FBXO42: variants seen among roughly 807,000 people sequenced by gnomAD.
FBXO42 encodes F-box protein 42, also known as F-box only protein 42.
A neutral mutation model predicts 71.7 loss-of-function variants in FBXO42; 12 were observed. That is an observed-to-expected ratio of 0.17 (90% CI 0.11 to 0.27). The LOEUF is 0.27. FBXO42 is among the 10% of genes least tolerant of loss of function. The pLI is 1.00. For synonymous variants in FBXO42, 325 were observed against 327.5 expected (o/e 0.99, Z 0.08); for missense variants, 707 against 911.9 (o/e 0.78, Z 2.89).
In FBXO42 at chr1:16,251,911, G is replaced by A; in HGVS notation, c.1039-126C>T. On this transcript the variant is annotated intron_variant, in intron 9 of 9. Transcript: ENST00000375592. The surrounding 1 kb of genome is among the most constrained non-coding windows in gnomAD (Gnocchi z 4.5). ...TTGTAGGTACCTGAGATATGAAGAT[G>A]AAAATGATGTAGTCTGCCCTCTAGG... The A allele has an allele frequency of 8.1e-7, 1 of 1,233,024 alleles. No individual in the cohort carries two copies. The highest frequency in any genetic ancestry group is 1.1e-6 in the Non-Finnish European group (1 of 900,504). 76.4% of individuals were successfully genotyped at this position (1,233,024 alleles called of 1,614,324 possible).
chr1:16,265,900 T>C (rs956730799), intron 4 of FBXO42, among the ~76,000 whole-genome samples: 7 of 152,072 alleles, frequency 4.6e-5, no homozygotes, highest in African/African-American at 1.7e-4. Context: ...TCTTAGGCAA[T>C]AATAGCCAAA....
Position 16,275,642 on chromosome 1 carries a change from A to C in FBXO42, c.503-18883T>G, listed in dbSNP as rs989494604. Reference sequence around the variant, plus strand: ...TCTTACCCAAAAACAGAAAAGGAAGAATAAAAATAAAAAGCCATAGTTCAA... The same window carrying C: ...TCTTACCCAAAAACAGAAAAGGAAGCATAAAAATAAAAAGCCATAGTTCAA... On this transcript the variant is annotated intron_variant, in intron 4 of 9. Coordinates refer to ENST00000375592, the MANE Select transcript of FBXO42 (RefSeq NM_018994.3). Among the ~76,000 whole-genome samples, 11 of 152,280 alleles carry C rather than the reference A, an allele frequency of 7.2e-5. No homozygotes were observed. The South Asian group carries it at 2.1e-3, about 29-fold the overall frequency.
chr1:16,261,301 G>T (rs1420559877), intron 4 of FBXO42, among the ~76,000 whole-genome samples: 2 of 152,198 alleles, frequency 1.3e-5, no homozygotes, highest in African/African-American at 4.8e-5. Flanking sequence ...AAGGTAAGCT[G>T]AGGCCAGTGA....
intron 1 of FBXO42, among the ~76,000 whole-genome samples, chr1:16,323,720 G>A (rs2082426589): frequency 6.6e-6 from 1 of 150,496 alleles, no homozygotes; most frequent in South Asian, 2.1e-4. Context: ...AACCCAGGAG[G>A]CGGAGATTGC....
chr1:16,250,910 A>T lies in FBXO42; in HGVS notation c.1914T>A (p.Ser638Arg). ...ACATCTGCATGGGCTTGCAGTTCAT[A>T]CTCTGGTATAGGGGTTTGCCAACAT... Reference protein sequence around the residue: ...SLNVGKPLYQSMNCKPMQMYV... With the variant: ...SLNVGKPLYQRMNCKPMQMYV... The change falls in exon 10 of 10, where the codon AGT becomes AGA. Residue 638 changes from serine to arginine, a missense_variant. Around this residue, in one of 5 missense-constraint regions of FBXO42, gnomAD observed 482 missense variants for 587.1 expected, o/e 0.82. Coordinates refer to ENST00000375592, the MANE Select transcript of FBXO42 (RefSeq NM_018994.3). The surrounding 1 kb of genome is among the most constrained non-coding windows in gnomAD (Gnocchi z 4.7). 6.2e-7 allele frequency: 1 copy of T among 1,613,950 alleles called. No homozygotes were observed. The highest frequency in any genetic ancestry group is 8.5e-7 in the Non-Finnish European group (1 of 1,179,992).
chr1:16,249,832 G>C lies in FBXO42; in HGVS notation c.*838C>G, dbSNP rs2100419182. 6.6e-6 allele frequency: 1 copy of C among 152,118 alleles called. No homozygotes were observed. Among genetic ancestry groups the C allele is most frequent in the East Asian group, 1.9e-4 (1 of 5,188 alleles). The allele number at this position is 152,118 out of a possible 1,614,324, so 9.4% of individuals were successfully genotyped here. A position where few individuals can be genotyped will look rare whatever the true frequency, so the allele number is the denominator to read the frequency against. On this transcript the variant is annotated 3_prime_UTR_variant, in exon 10 of 10. Coordinates refer to ENST00000375592, the MANE Select transcript of FBXO42 (RefSeq NM_018994.3). The stretch of plus-strand genomic sequence containing the variant: ...GGTAGAAGAAAAAAGCAGCCTGTAA[G>C]TGAATGGAAAAGGCAGTTTCCAAGT...
At chr1:16,317,547 G>A (rs1320740873) in intron 1 of FBXO42, among the ~76,000 whole-genome samples, 1 of 151,998 alleles carries the variant, frequency 6.6e-6, no homozygotes, top group Non-Finnish European at 1.5e-5. Context: ...AGTTAGCCAA[G>A]ACTGGCCACT....
At chr1:16,294,501 TA>T (rs745510639) in intron 4 of FBXO42, 27 of 345,928 alleles carry the variant, frequency 7.8e-5, no homozygotes, top group Non-Finnish European at 1.5e-4. Context: ...CCAAATGATG[TA>T]TCACACCTGT....
At chr1:16,292,389 C>G (rs1010488974) in intron 4 of FBXO42, 3 of 152,154 alleles carry the variant, frequency 2.0e-5, no homozygotes, top group African/African-American at 7.2e-5. Context: ...TCTGTGGGCT[C>G]AAGCAATCCT....
chr1:16,251,260 T>G lies in FBXO42; in HGVS notation c.1564A>C (p.Thr522Pro). 1 of 1,614,200 alleles carries G rather than the reference T, an allele frequency of 6.2e-7. No individual in the cohort carries two copies. The highest frequency in any genetic ancestry group is 8.5e-7 in the Non-Finnish European group (1 of 1,180,032). The change falls in exon 10 of 10, where the codon ACA becomes CCA. Residue 522 changes from threonine to proline, a missense_variant. By Grantham distance (38) the Thr-to-Pro change is conservative. Transcript: ENST00000375592. The surrounding 1 kb of genome is among the most constrained non-coding windows in gnomAD (Gnocchi z 4.5). ...GGGTGTCTCATACTTCCCCCAACTG[T>G]CCTATTGTCCATGCCATCCATGGGA... ...SNPMDGMDNR[T>P]VGGSMRHPPE...
At chr1:16,333,128 C>A (rs964423750) in intron 1 of FBXO42, among the ~76,000 whole-genome samples, 54 of 152,214 alleles carry the variant, frequency 3.5e-4, no homozygotes, top group African/African-American at 1.3e-3. Context: ...TCCCCTCCAG[C>A]CAATTAAGTA....
At position 16,251,015 on chromosome 1, in the gene FBXO42, G is replaced by A. The variant is rs199564466; in HGVS notation, c.1809C>T (p.Arg603=). 8.1e-6 allele frequency: 13 copies of A among 1,614,232 alleles called. No homozygotes were observed. The East Asian group carries it at 2.7e-4, about 33-fold the overall frequency. The change falls in exon 10 of 10, where the codon CGC becomes CGT. Residue 603 remains arginine, a synonymous_variant. Transcript: ENST00000375592. The surrounding 1 kb of genome is among the most constrained non-coding windows in gnomAD (Gnocchi z 4.5). ...LSSGETVPIP[R]PGPAQGDGHS... is the part of the protein sequence containing the mutation. The stretch of plus-strand genomic sequence containing the variant: ...GTCCATCTCCTTGGGCAGGCCCTGG[G>A]CGAGGGATGGGCACTGTTTCTCCAC...
intron 2 of FBXO42, among the ~76,000 whole-genome samples, 166 bp from the exon 3 acceptor site, chr1:16,306,085 C>T (rs11804338): frequency 0.027 from 4,043 of 151,946 alleles, 184 homozygotes; most frequent in African/African-American, 0.09. Flanking sequence ...TGCAGTGGCA[C>T]GATCTCGGCC....
At chr1:16,320,035 G>C (rs1400770028) in intron 1 of FBXO42, among the ~76,000 whole-genome samples, 1 of 151,734 alleles carries the variant, frequency 6.6e-6, no homozygotes, top group African/African-American at 2.4e-5. Context: ...AAACAACAGA[G>C]ACCTCCATTT....
intron 1 of FBXO42, among the ~76,000 whole-genome samples, chr1:16,341,373 G>A (rs560004957): frequency 4.6e-5 from 7 of 152,150 alleles, no homozygotes; most frequent in Non-Finnish European, 8.8e-5. Context: ...AGGCCGAGGC[G>A]GGCAGATCAT....
intron 4 of FBXO42, among the ~76,000 whole-genome samples, chr1:16,261,223 A>G (rs1296302862): frequency 6.6e-6 from 1 of 152,138 alleles, no homozygotes; most frequent in Non-Finnish European, 1.5e-5. Flanking sequence ...CTTTTTCTCT[A>G]CAAGGCTCTG....
intron 3 of FBXO42, among the ~76,000 whole-genome samples, chr1:16,295,169 G>A (rs2082115833): frequency 6.6e-6 from 1 of 152,154 alleles, no homozygotes; most frequent in South Asian, 2.1e-4. Context: ...AACAGTGTAA[G>A]TCCAGCAAGA....
intron 4 of FBXO42, among the ~76,000 whole-genome samples, chr1:16,276,909 TAAG>T (rs1311272627): frequency 3.3e-5 from 5 of 152,202 alleles, no homozygotes; most frequent in Non-Finnish European, 5.9e-5. Context: ...ACTACTAAAA[TAAG>T]AAGGTTTTAT....
chr1:16,265,163 G>C (rs945861514), intron 4 of FBXO42, among the ~76,000 whole-genome samples: 2 of 152,106 alleles, frequency 1.3e-5, no homozygotes, highest in Admixed American at 1.3e-4. Context: ...GCGCAATCTC[G>C]GCTCACCGCA....
Sources: allele counts gnomAD v4.1 joint callset (sites outside exome capture counted in the v4.1 genomes callset), GRCh38; gene constraint gnomAD v4.1.1; regional missense constraint gnomAD v4.1.1; non-coding constraint Gnocchi (gnomAD v3.1); transcripts MANE v1.5; gene names NCBI Gene and HGNC (gene_info 2026-07-23, HGNC 2026-07-21).